IL1RAPL1: variants seen among roughly 807,000 people sequenced by gnomAD.
IL1RAPL1 encodes the protein interleukin-1 receptor accessory protein-like 1.
Under a neutral mutation model 48.4 loss-of-function variants are expected in IL1RAPL1, and 3 were observed. The ratio of observed to expected loss-of-function variants is 0.06; its 90% CI spans 0.03 to 0.16. The LOEUF (loss-of-function observed/expected upper bound fraction) is 0.16. Ranked by LOEUF, IL1RAPL1 falls within the 10% of genes least tolerant of loss-of-function variation. The pLI, the probability that IL1RAPL1 is intolerant of heterozygous loss-of-function variation, is 1.00. For synonymous variants in IL1RAPL1, 185 were observed against 187.7 expected (o/e 0.99, Z 0.12); for missense variants, 349 against 530.6 (o/e 0.66, Z 3.36).
At chrX:29,364,562 C>CAAAAAAAAA (rs766680904) in intron 3 of IL1RAPL1, among the ~76,000 whole-genome samples, 1 of 43,579 alleles carries the variant, frequency 2.3e-5, no homozygotes, top group Non-Finnish European at 4.1e-5. Flanking sequence ...GACTCTATCT[C>CAAAAAAAAA]AAAAAAAAAA....
intron 2 of IL1RAPL1, among the ~76,000 whole-genome samples, chrX:28,975,401 A>G (rs1012107955): frequency 1.1e-4 from 12 of 112,261 alleles, no homozygotes; most frequent in Non-Finnish European, 1.1e-4. Flanking sequence ...CACATTAAAC[A>G]ATGTTGATCT....
Position 29,112,999 on chromosome X carries a change from G to T in IL1RAPL1, c.83-169939G>T, listed in dbSNP as rs2651180. Among the ~76,000 whole-genome samples the T allele has an allele frequency of 5.5e-5, 6 of 110,012 alleles. No individual in the cohort carries two copies. In the East Asian group the frequency reaches 8.6e-4, roughly 16 times the overall value. ...GCTAGTTTTTTGTATTTTTAGTAGAGACGGGGTTTCACCATGTTGGCCAGG... is the reference window on the plus strand; with the variant it reads ...GCTAGTTTTTTGTATTTTTAGTAGATACGGGGTTTCACCATGTTGGCCAGG... On this transcript the variant is annotated intron_variant, in intron 2 of 10. Coordinates refer to ENST00000378993, the MANE Select transcript of IL1RAPL1 (RefSeq NM_014271.4).
At chrX:28,936,082 C>CA (rs1272861094) in intron 2 of IL1RAPL1, among the ~76,000 whole-genome samples, 1 of 111,468 alleles carries the variant, frequency 9.0e-6, no homozygotes, top group East Asian at 2.8e-4. Flanking sequence ...ACCCTGTAAC[C>CA]ACTGAGCCAC....
At chrX:29,267,772 G>A (rs1045659730) in intron 2 of IL1RAPL1, among the ~76,000 whole-genome samples, 5 of 111,723 alleles carry the variant, frequency 4.5e-5, no homozygotes, top group Non-Finnish European at 9.4e-5. Context: ...TAGTTTCACC[G>A]AATGCCATGT....
rs755290260 is a variant in IL1RAPL1, at chrX:29,534,856, C to A, written c.704-133574C>A. Among the ~76,000 whole-genome samples, 4 of 109,531 alleles carry A rather than the reference C, an allele frequency of 3.7e-5. No individual in the cohort carries two copies. In the South Asian group the frequency reaches 1.6e-3, roughly 44 times the overall value. On this transcript the variant is annotated intron_variant, in intron 5 of 10. Transcript: ENST00000378993. ...TGGTGGCGGGCGCCTGTAGTCCCAGCTGCTCGGGAGGCTGAGGCAGGAGAA... is the reference window on the plus strand; with the variant it reads ...TGGTGGCGGGCGCCTGTAGTCCCAGATGCTCGGGAGGCTGAGGCAGGAGAA...
At chrX:28,910,466 C>T (rs1244021842) in intron 2 of IL1RAPL1, among the ~76,000 whole-genome samples, 1 of 109,788 alleles carries the variant, frequency 9.1e-6, no homozygotes, top group Admixed American at 9.8e-5. Context: ...GCATGAAGTA[C>T]AGTGTCACAA....
intron 2 of IL1RAPL1, among the ~76,000 whole-genome samples, chrX:29,115,631 C>T (rs1928663871): frequency 1.8e-5 from 2 of 109,880 alleles, no homozygotes; most frequent in Non-Finnish European, 3.8e-5. Flanking sequence ...CTCTCTCTCC[C>T]TTATAAAAAG....
chrX:29,690,294 A>G (rs1400705279), intron 6 of IL1RAPL1, among the ~76,000 whole-genome samples: 1 of 112,045 alleles, frequency 8.9e-6, no homozygotes, highest in Non-Finnish European at 1.9e-5. Context: ...ATATGTACAG[A>G]GCTTTAGTGA....
At chrX:29,613,913 G>A (rs1924186440) in intron 5 of IL1RAPL1, among the ~76,000 whole-genome samples, 1 of 107,522 alleles carries the variant, frequency 9.3e-6, no homozygotes, top group African/African-American at 3.4e-5. Context: ...ACAGGCGCCT[G>A]CCACCACGCC....
intron 7 of IL1RAPL1, among the ~76,000 whole-genome samples, 157 bp from the exon 8 acceptor site, chrX:29,919,792 G>A (rs1380807347): frequency 8.9e-6 from 1 of 112,413 alleles, no homozygotes; most frequent in Non-Finnish European, 1.9e-5. Context: ...AAGAAGAAAA[G>A]GGCATAACTT....
Position 29,328,668 on chromosome X carries a change from CAGAG to C in IL1RAPL1, c.362+45460_362+45463del, listed in dbSNP as rs911772524. ...AGAGAGAGAGAGAGAGAGAGAGAGA[CAGAG>C]AGAGAGAGGGAGAGAGAGAGTTCAT... is the stretch of plus-strand genomic sequence containing the variant. On this transcript the variant is annotated intron_variant, in intron 3 of 10. Transcript: ENST00000378993. 3.5e-4 allele frequency among the ~76,000 whole-genome samples: 36 copies of C among 102,049 alleles called. No individual in the cohort carries two copies. In the South Asian group the frequency reaches 4.3e-3, roughly 12 times the overall value. The allele number at this position is 102,049 out of a possible 115,157, so 88.6% of individuals were successfully genotyped here.
At chrX:28,759,520 G>A (rs1474225106) in intron 1 of IL1RAPL1, among the ~76,000 whole-genome samples, 1 of 111,047 alleles carries the variant, frequency 9.0e-6, no homozygotes, top group Non-Finnish European at 1.9e-5. Flanking sequence ...AACATTGTTA[G>A]TTTACAGCAT....
chrX:29,076,290 C>T (rs1209360358), intron 2 of IL1RAPL1, among the ~76,000 whole-genome samples: 1 of 111,704 alleles, frequency 9.0e-6, no homozygotes, highest in Admixed American at 9.5e-5. Context: ...TCCAACTCTT[C>T]TTTATTAAAA....
intron 2 of IL1RAPL1, among the ~76,000 whole-genome samples, chrX:28,933,581 A>G (rs779506888): frequency 9.0e-6 from 1 of 111,481 alleles, no homozygotes; most frequent in Admixed American, 9.6e-5. Flanking sequence ...GTTATCGGAA[A>G]TGGGCCCTGA....
At position 29,697,536 on chromosome X, in the gene IL1RAPL1, G is replaced by A. The variant is rs762032021; in HGVS notation, c.778+29032G>A. ...GTTTGTGTTTGTGTGCTTGTGGTGT[G>A]TACTACCTGAAACGAAAGTTGGTCC... On this transcript the variant is annotated intron_variant, in intron 6 of 10. Coordinates refer to ENST00000378993, the MANE Select transcript of IL1RAPL1 (RefSeq NM_014271.4). 2.1e-4 allele frequency among the ~76,000 whole-genome samples: 24 copies of A among 111,865 alleles called. No homozygotes were observed. In the South Asian group the frequency reaches 7.4e-3, roughly 34 times the overall value.
At chrX:29,059,623 G>A (rs779075768) in intron 2 of IL1RAPL1, among the ~76,000 whole-genome samples, 1 of 111,804 alleles carries the variant, frequency 8.9e-6, no homozygotes, top group South Asian at 3.7e-4. Context: ...GATCAAGCAT[G>A]AAGAAACTTG....
At chrX:29,280,201 A>G (rs1204207389) in intron 2 of IL1RAPL1, among the ~76,000 whole-genome samples, 1 of 112,134 alleles carries the variant, frequency 8.9e-6, no homozygotes, top group African/African-American at 3.2e-5. Flanking sequence ...TAAATATTAT[A>G]TGCAATTATA....
chrX:28,928,110 C>G (rs781376657), intron 2 of IL1RAPL1, among the ~76,000 whole-genome samples: 3 of 110,632 alleles, frequency 2.7e-5, no homozygotes, highest in Non-Finnish European at 5.7e-5. Context: ...AACAAACAAA[C>G]CTGCTGAGCC....
chrX:29,122,974 A>G (rs963789157), intron 2 of IL1RAPL1, among the ~76,000 whole-genome samples: 4 of 110,305 alleles, frequency 3.6e-5, no homozygotes, highest in Non-Finnish European at 5.7e-5. Flanking sequence ...TTATAGATGT[A>G]AAAGTATTAT....
Sources: gnomAD v4.1 joint callset for allele counts (sites outside exome capture counted in the v4.1 genomes callset) on GRCh38, gnomAD v4.1.1 for gene constraint, MANE v1.5 for transcripts, NCBI Gene and HGNC (gene_info 2026-07-23, HGNC 2026-07-21) for gene names.